The following ANAPC1 variants were observed in gnomAD, a reference collection of about 807,000 sequenced individuals.
ANAPC1 encodes the protein anaphase promoting complex subunit 1.
Under a neutral mutation model 208.0 loss-of-function variants are expected in ANAPC1, and 36 were observed. The observed-to-expected ratio is 0.17, with a 90% CI of 0.13 to 0.23. The LOEUF (loss-of-function observed/expected upper bound fraction) is 0.23. ANAPC1 is among the 10% of genes least tolerant of loss of function. ANAPC1 has a pLI of 1.00. For missense variants in ANAPC1, 942 were observed against 2,011.6 expected, an observed-to-expected ratio of 0.47 and a Z score of 10.17; for synonymous variants, 378 against 695.2, an observed-to-expected ratio of 0.54 and a Z score of 7.18.
chr2:111,867,752 CATTT>C (rs1682517009), intron 7 of ANAPC1, among the ~76,000 whole-genome samples: 1 of 151,230 alleles, frequency 6.6e-6, no homozygotes, highest in African/African-American at 2.4e-5. Flanking sequence ...AAGTATCATT[CATTT>C]ACTTATTAAT....
chr2:111,874,537 T>C (rs1573517896), intron 3 of ANAPC1, among the ~76,000 whole-genome samples: 2 of 152,008 alleles, frequency 1.3e-5, no homozygotes, highest in South Asian at 4.1e-4. Flanking sequence ...TCCTTTTATA[T>C]CTATTTTATT....
chr2:111,810,305 G>C (rs73956889), intron 28 of ANAPC1, among the ~76,000 whole-genome samples: 5 of 134,390 alleles, frequency 3.7e-5, no homozygotes, highest in South Asian at 2.3e-4. Flanking sequence ...GTGAAGGTGG[G>C]GGGGGGTGAG....
chr2:111,870,869 G>T (rs1310068628), intron 6 of ANAPC1, among the ~76,000 whole-genome samples: 1 of 152,032 alleles, frequency 6.6e-6, no homozygotes, highest in Non-Finnish European at 1.5e-5. Flanking sequence ...TTTTGTATAA[G>T]GTGAGAGATA....
chr2:111,883,495 T>C (rs1438586815), intron 1 of ANAPC1, among the ~76,000 whole-genome samples: 2 of 133,634 alleles, frequency 1.5e-5, no homozygotes, highest in Non-Finnish European at 3.2e-5. Flanking sequence ...ATGCTATAAA[T>C]AACAGTATCA....
intron 17 of ANAPC1, among the ~76,000 whole-genome samples, chr2:111,842,647 A>G (rs545722523): frequency 0.01 from 1,532 of 151,998 alleles, 7 homozygotes; most frequent in Non-Finnish European, 0.017. Flanking sequence ...TGTCTCAAAA[A>G]AAAAAAAAAA....
chr2:111,845,976 C>CA (rs34090398), intron 16 of ANAPC1, among the ~76,000 whole-genome samples: 8,774 of 101,198 alleles, frequency 0.087, 1,365 homozygotes, highest in African/African-American at 0.31. Flanking sequence ...GACTCCGTCT[C>CA]AAAAAAAAAA....
At chr2:111,883,534 C>CA (rs749635943) in intron 1 of ANAPC1, among the ~76,000 whole-genome samples, 3,305 of 124,286 alleles carry the variant, frequency 0.027, 92 homozygotes, top group African/African-American at 0.07. Context: ...ACTACCCTGC[C>CA]AAAAAAAAAA....
intron 2 of ANAPC1, among the ~76,000 whole-genome samples, chr2:111,879,587 C>G (rs757190671): frequency 6.6e-6 from 1 of 152,178 alleles, no homozygotes; most frequent in Non-Finnish European, 1.5e-5. Flanking sequence ...AGAACTATTA[C>G]TCGCCGGGTG....
intron 38 of ANAPC1, among the ~76,000 whole-genome samples, chr2:111,790,454 A>C (rs1048326397): frequency 2.6e-5 from 4 of 152,250 alleles, no homozygotes; most frequent in Admixed American, 2.6e-4. Flanking sequence ...GCCCAGAAAT[A>C]AACACAGGTG....
intron 14 of ANAPC1, among the ~76,000 whole-genome samples, chr2:111,849,223 A>C (rs1285565498): frequency 6.6e-6 from 1 of 152,276 alleles, no homozygotes; most frequent in Non-Finnish European, 1.5e-5. Flanking sequence ...AAAAGCCATC[A>C]ATCAGCCAAT....
chr2:111,836,848 A>G (rs2104475951), intron 18 of ANAPC1, among the ~76,000 whole-genome samples: 1 of 151,932 alleles, frequency 6.6e-6, no homozygotes, highest in African/African-American at 2.4e-5. Flanking sequence ...CACACCTGTA[A>G]TTCTAGCTAC....
At position 111,862,464 on chromosome 2, in the gene ANAPC1, A is replaced by G. The variant is rs1253951514; in HGVS notation, c.1187T>C (p.Leu396Pro). ...AACAATTGGCTCCGTTTCTGGTGCA[A>G]GAAAGGAGCCATTAGAATTACTATT... is the stretch of plus-strand genomic sequence containing the variant. ...SPNSNSNGSF[L>P]APETEPIVPE... The change falls in exon 10 of 48, where the codon CTT becomes CCT. Residue 396 changes from leucine to proline, a missense_variant. Coordinates refer to ENST00000341068, the MANE Select transcript of ANAPC1 (RefSeq NM_022662.4). 2 of 1,611,548 alleles carry G rather than the reference A, an allele frequency of 1.2e-6. No homozygotes were observed. Among genetic ancestry groups the G allele is most frequent in the Non-Finnish European group, 1.7e-6 (2 of 1,179,542 alleles).
intron 11 of ANAPC1, among the ~76,000 whole-genome samples, chr2:111,857,796 A>G (rs1202388663): frequency 2.6e-5 from 4 of 152,216 alleles, no homozygotes; most frequent in Non-Finnish European, 5.9e-5. Flanking sequence ...GAAATAAACC[A>G]AAAGTCCGTC....
At chr2:111,808,206 G>GATA (rs1427360973) in intron 29 of ANAPC1, among the ~76,000 whole-genome samples, 9 of 151,652 alleles carry the variant, frequency 5.9e-5, no homozygotes, top group Non-Finnish European at 1.2e-4. Context: ...GCATCACTGT[G>GATA]GCAATAGCTA....
At chr2:111,834,053 C>G (rs1680331956) in intron 19 of ANAPC1, among the ~76,000 whole-genome samples, 1 of 152,144 alleles carries the variant, frequency 6.6e-6, no homozygotes, top group African/African-American at 2.4e-5. Context: ...TTAGAACTAT[C>G]TTATTGTGGA....
At chr2:111,769,679 CTTT>C (rs767767639) in intron 47 of ANAPC1, among the ~76,000 whole-genome samples, 2 of 83,252 alleles carry the variant, frequency 2.4e-5, no homozygotes, top group East Asian at 3.8e-4. Context: ...TACTGGCTTT[CTTT>C]TTTTTTTTTT....
intron 1 of ANAPC1, among the ~76,000 whole-genome samples, chr2:111,882,079 G>C (rs1435221033): frequency 6.6e-6 from 1 of 152,028 alleles, no homozygotes; most frequent in Non-Finnish European, 1.5e-5. Flanking sequence ...AGCTACTCGG[G>C]AGGCTGAGGC....
At chr2:111,816,689 A>C (rs1475823940) in intron 27 of ANAPC1, among the ~76,000 whole-genome samples, 62 of 143,876 alleles carry the variant, frequency 4.3e-4, no homozygotes, top group Non-Finnish European at 7.6e-4. Flanking sequence ...TAATTACTGC[A>C]TAAAGTTATC....
chr2:111,801,033 C>G (rs1159038278), intron 33 of ANAPC1, among the ~76,000 whole-genome samples, 162 bp from the exon 34 acceptor site: 1 of 151,970 alleles, frequency 6.6e-6, no homozygotes, highest in Non-Finnish European at 1.5e-5. Flanking sequence ...TACTGATAAA[C>G]CTATTGTAAG....
Sources: allele counts gnomAD v4.1 joint callset (sites outside exome capture counted in the v4.1 genomes callset), GRCh38; gene constraint gnomAD v4.1.1; transcripts MANE v1.5; gene names NCBI Gene and HGNC (gene_info 2026-07-23, HGNC 2026-07-21).